Variants in SPATA31H1 observed in about 807,000 individuals in gnomAD.
SPATA31H1 encodes spermatogenesis-associated protein 31H1.
At chr2:27,580,266 A>C in the SPATA31H1 span, 1 of 1,614,208 alleles carries the variant, frequency 6.2e-7, no homozygotes, top group South Asian at 1.1e-5. Context: ...ACAAGTCTAC[A>C]TCAGGCGAGG....
At chr2:27,545,598 C>T in the SPATA31H1 span, among the ~76,000 whole-genome samples, 80 of 138,174 alleles carry the variant, frequency 5.8e-4, 2 homozygotes, top group African/African-American at 1.8e-3. Flanking sequence ...TTTTTTGAGA[C>T]GGAGTCTTGC....
chr2:27,551,349 T>C, the SPATA31H1 span, among the ~76,000 whole-genome samples: 1 of 152,064 alleles, frequency 6.6e-6, no homozygotes. Context: ...ATAGGAGAAG[T>C]AATTTCTCTT....
chr2:27,577,196 T>C, the SPATA31H1 span: 1 of 1,613,932 alleles, frequency 6.2e-7, no homozygotes, highest in South Asian at 1.1e-5. The surrounding 1 kb of genome is among the most constrained non-coding windows in gnomAD (Gnocchi z 4.5). Context: ...AATTTGTTGA[T>C]CTGACTCCAA....
the SPATA31H1 span, among the ~76,000 whole-genome samples, chr2:27,544,593 G>A: frequency 1.4e-5 from 2 of 140,796 alleles, no homozygotes; most frequent in African/African-American, 5.2e-5. Flanking sequence ...GGAGTACAGT[G>A]GCGCAATCTT....
chr2:27,564,081 AC>A, the SPATA31H1 span, among the ~76,000 whole-genome samples: 1 of 152,200 alleles, frequency 6.6e-6, no homozygotes, highest in African/African-American at 2.4e-5. Flanking sequence ...CTAAAGCATT[AC>A]CAGCTCAGGT....
the SPATA31H1 span, chr2:27,580,540 G>C: frequency 2.5e-6 from 4 of 1,614,114 alleles, no homozygotes; most frequent in Non-Finnish European, 3.4e-6. Context: ...GCCCATTTAA[G>C]AAGGAAGAGG....
chr2:27,579,595 C>A, the SPATA31H1 span: 1 of 1,614,176 alleles, frequency 6.2e-7, no homozygotes, highest in Non-Finnish European at 8.5e-7. Flanking sequence ...AATGGTATAT[C>A]CCAAGAAGTC....
chr2:27,579,449 T>C, the SPATA31H1 span: 2 of 1,614,214 alleles, frequency 1.2e-6, no homozygotes, highest in Non-Finnish European at 1.7e-6. Flanking sequence ...TCAAAAACTA[T>C]ATTCAGAGAC....
chr2:27,574,131 G>A, the SPATA31H1 span: 2 of 398,420 alleles, frequency 5.0e-6, no homozygotes, highest in Admixed American at 4.4e-5. Flanking sequence ...GTTGCAAGGA[G>A]TGAAATCTTC....
chr2:27,571,387 C>T, the SPATA31H1 span: 70 of 398,302 alleles, frequency 1.8e-4, 1 homozygote, highest in African/African-American at 1.3e-3. Context: ...AAATCTGTGG[C>T]GATAACCTTA....
the SPATA31H1 span, among the ~76,000 whole-genome samples, chr2:27,550,411 ATTTTTTTT>A: frequency 3.2e-5 from 3 of 94,540 alleles, no homozygotes; most frequent in East Asian, 2.9e-4. Context: ...TGGGTGTTAA[ATTTTTTTT>A]TTTTTTTTTT....
chr2:27,565,940 T>C, the SPATA31H1 span: 1 of 698,704 alleles, frequency 1.4e-6, no homozygotes, highest in Non-Finnish European at 2.7e-6. Flanking sequence ...ATCTTGGGTA[T>C]AACTTCATCT....
chr2:27,582,058 G>A, the SPATA31H1 span: 2 of 1,613,864 alleles, frequency 1.2e-6, no homozygotes, highest in South Asian at 2.2e-5. Context: ...TCTGAGAGGA[G>A]ATCTCACAGG....
chr2:27,537,673 G>A, the SPATA31H1 span: 4 of 648,352 alleles, frequency 6.2e-6, no homozygotes, highest in Non-Finnish European at 1.1e-5. Flanking sequence ...AGGGAGAGGG[G>A]AGTTGAGACA....
the SPATA31H1 span, chr2:27,566,312 G>T: frequency 2.8e-6 from 2 of 717,388 alleles, no homozygotes; most frequent in Non-Finnish European, 5.2e-6. Flanking sequence ...CCTGTGGGCT[G>T]GACCCAGGAA....
chr2:27,539,658 G>C, the SPATA31H1 span, among the ~76,000 whole-genome samples: 546 of 103,322 alleles, frequency 5.3e-3, 3 homozygotes, highest in Non-Finnish European at 7.4e-3. Flanking sequence ...GGCCGTGGCC[G>C]GGCAGAGGGG....
the SPATA31H1 span, among the ~76,000 whole-genome samples, chr2:27,563,008 A>G: frequency 6.6e-6 from 1 of 151,916 alleles, no homozygotes; most frequent in East Asian, 1.9e-4. Flanking sequence ...AGAATTTTAC[A>G]GTTTTCTACA....
chr2:27,580,432 A>C, the SPATA31H1 span: 1 of 1,614,142 alleles, frequency 6.2e-7, no homozygotes, highest in Non-Finnish European at 8.5e-7. Flanking sequence ...TCTGATTCAA[A>C]ATATCCAATG....
chr2:27,540,695 C>T, the SPATA31H1 span, among the ~76,000 whole-genome samples: 1 of 138,826 alleles, frequency 7.2e-6, no homozygotes, highest in Non-Finnish European at 1.6e-5. Flanking sequence ...CAGAGACGCT[C>T]CTCACCTCCC....
Sources: gnomAD v4.1 joint callset for allele counts (sites outside exome capture counted in the v4.1 genomes callset) on GRCh38, gnomAD v4.1.1 for gene constraint, Gnocchi (gnomAD v3.1) non-coding constraint, MANE v1.5 for transcripts, NCBI Gene and HGNC (gene_info 2026-07-23, HGNC 2026-07-21) for gene names.